CDK5RAP2: variants seen among roughly 807,000 people sequenced by gnomAD.
The protein encoded by CDK5RAP2 is CDK5 regulatory subunit-associated protein 2.
Under a neutral mutation model 232.9 loss-of-function variants are expected in CDK5RAP2, and 147 were observed. The ratio of observed to expected loss-of-function variants is 0.63; its 90% CI spans 0.55 to 0.72. The LOEUF is 0.72. CDK5RAP2 is among the 30% of genes least tolerant of loss of function. CDK5RAP2 has a pLI of 0.00. For synonymous variants in CDK5RAP2, 833 were observed against 833.7 expected, an observed-to-expected ratio of 1.00 and a Z score of 0.01; for missense variants, 2,195 against 2,231.5, an observed-to-expected ratio of 0.98 and a Z score of 0.33.
In CDK5RAP2 at chr9:120,530,047, C is replaced by T. The variant is rs758934301; in HGVS notation, c.756G>A (p.Glu252=). 1.9e-6 allele frequency: 3 copies of T among 1,613,628 alleles called. No homozygotes were observed. The highest frequency in any genetic ancestry group is 2.5e-6 in the Non-Finnish European group (3 of 1,179,534). The part of the protein sequence containing the change: ...EEKSQMACPD[E]NVSSGELRGL... ...CTCGGAGCTCTCCAGATGACACATT[C>T]TCATCAGGACATGCCATCTGAGATT... Residue 252 remains glutamate (E), a synonymous_variant, in exon 8 of 38, where the codon GAG becomes GAA. Transcript: ENST00000349780.
At chr9:120,423,114 T>G (rs1335145893) in intron 25 of CDK5RAP2, among the ~76,000 whole-genome samples, 1 of 152,228 alleles carries the variant, frequency 6.6e-6, no homozygotes, top group East Asian at 1.9e-4. Context: ...GTTACTGGAT[T>G]TCTTTCCATT....
intron 15 of CDK5RAP2, among the ~76,000 whole-genome samples, chr9:120,473,043 G>C (rs768091567): frequency 3.3e-5 from 5 of 152,222 alleles, no homozygotes; most frequent in Non-Finnish European, 7.3e-5. Context: ...ATCAGAACCA[G>C]TTAAATCCAG....
At position 120,409,242 on chromosome 9, in the gene CDK5RAP2, C is replaced by G; in HGVS notation, c.4489G>C (p.Glu1497Gln). The change falls in exon 30 of 38, where the codon GAG (glutamate) becomes CAG (glutamine). Residue 1497 changes from glutamate (E) to glutamine (Q), a missense_variant. Physicochemically the swap from Glu to Gln is conservative, Grantham distance 29 (BLOSUM62 2). Transcript: ENST00000349780. ...TTTTCTTCCTTCACGCTGGCATACT[C>G]CCGCTGAAGGTGCTCCAGGCTCACG... ...KTVSLEHLQREYASVKEENER... is the reference protein window; with the variant it reads ...KTVSLEHLQRQYASVKEENER... 1 of 1,614,100 alleles carries G rather than the reference C, an allele frequency of 6.2e-7. No homozygotes were observed. The highest frequency in any genetic ancestry group is 8.5e-7 in the Non-Finnish European group (1 of 1,179,994).
At chr9:120,440,745 G>A (rs562287031) in intron 23 of CDK5RAP2, among the ~76,000 whole-genome samples, 10 of 152,166 alleles carry the variant, frequency 6.6e-5, no homozygotes, top group Non-Finnish European at 1.0e-4. Flanking sequence ...CATTCTCGGC[G>A]TCTAGTACAG....
rs371525387 is a variant in CDK5RAP2, at chr9:120,443,778, A to T, written c.3026-36T>A. ...TCACAAAGAGAAAGAAAAATAAATA[A>T]AACCGTAAGACCTGAAACTTAGCCA... On this transcript the variant is annotated intron_variant, in intron 22 of 37. Transcript: ENST00000349780. 2.5e-5 allele frequency: 41 copies of T among 1,612,916 alleles called. No individual in the cohort carries two copies. The African/African-American group carries it at 4.1e-4, about 16-fold the overall frequency.
At position 120,497,453 on chromosome 9, in the gene CDK5RAP2, AAG is replaced by A. The variant is rs1415041771; in HGVS notation, c.1312-5978_1312-5977del. On this transcript the variant is annotated intron_variant, in intron 12 of 37. Coordinates refer to ENST00000349780, the MANE Select transcript of CDK5RAP2 (RefSeq NM_018249.6). ...AAAAAAAAAAAAAAAAAAAAAAAAA[AAG>A]AATCATCAATGGATGCTAGAATTCT... is the stretch of plus-strand genomic sequence containing the variant. Among the ~76,000 whole-genome samples, 39 of 130,898 alleles carry A rather than the reference AAG, an allele frequency of 3.0e-4. 1 individual carries two copies. The highest frequency in any genetic ancestry group is 5.1e-4 in the African/African-American group (20 of 39,002). 85.9% of individuals were successfully genotyped at this position (130,898 alleles called of 152,430 possible).
At chr9:120,569,066 G>C (rs995508840) in intron 2 of CDK5RAP2, among the ~76,000 whole-genome samples, 1 of 152,170 alleles carries the variant, frequency 6.6e-6, no homozygotes, top group Admixed American at 6.5e-5. Flanking sequence ...GCATGCTGAG[G>C]AAACAATGGT....
chr9:120,517,326 T>G (rs2040382369), intron 12 of CDK5RAP2, among the ~76,000 whole-genome samples: 1 of 152,184 alleles, frequency 6.6e-6, no homozygotes, highest in African/African-American at 2.4e-5. Context: ...ACACTGGGAT[T>G]TCACCTTCCG....
intron 5 of CDK5RAP2, among the ~76,000 whole-genome samples, chr9:120,540,832 C>A (rs1473224850): frequency 1.3e-5 from 2 of 152,272 alleles, no homozygotes; most frequent in Non-Finnish European, 2.9e-5. Flanking sequence ...CCCTTGGCCT[C>A]TGAGGCCCAC....
chr9:120,408,401 GGA>G lies in CDK5RAP2; in HGVS notation c.4670_4671del (p.Leu1557ProfsTer8), dbSNP rs1554730137. 3.1e-6 allele frequency: 5 copies of G among 1,614,128 alleles called. No homozygotes were observed. Among genetic ancestry groups the G allele is most frequent in the Non-Finnish European group, 2.5e-6 (3 of 1,180,020 alleles). ...TTCTCATACGCCTTCAGCTCCACTC[GGA>G]GAGACTGCAATAGCTTGTCATTCTG... ...LSQNDKLLQS[L>X]RVELKAYEKL... On this transcript the variant is annotated frameshift_variant, in exon 31 of 38. Transcript: ENST00000349780. LOFTEE classifies it high-confidence loss of function.
intron 12 of CDK5RAP2, among the ~76,000 whole-genome samples, chr9:120,515,180 T>TA (rs554004260): frequency 1.4e-4 from 21 of 150,554 alleles, no homozygotes; most frequent in Non-Finnish European, 1.5e-4. Flanking sequence ...TGTTTTAAAC[T>TA]AAAAAAAAAG....
At chr9:120,452,332 T>G (rs761090474) in intron 21 of CDK5RAP2, among the ~76,000 whole-genome samples, 65 of 152,036 alleles carry the variant, frequency 4.3e-4, no homozygotes, top group Non-Finnish European at 1.0e-4. Flanking sequence ...GTGCATAATT[T>G]AAAACAATCA....
At chr9:120,533,930 C>A (rs997511663) in intron 7 of CDK5RAP2, among the ~76,000 whole-genome samples, 1 of 151,850 alleles carries the variant, frequency 6.6e-6, no homozygotes, top group Non-Finnish European at 1.5e-5. Flanking sequence ...CTAGCCTGTT[C>A]TCCTCCATTC....
At chr9:120,411,150 T>C (rs2033821110) in intron 29 of CDK5RAP2, among the ~76,000 whole-genome samples, 1 of 152,244 alleles carries the variant, frequency 6.6e-6, no homozygotes, top group Admixed American at 6.5e-5. Context: ...AACAGCCCTA[T>C]GAGATATTCC....
At chr9:120,534,081 G>C (rs554371829) in intron 7 of CDK5RAP2, among the ~76,000 whole-genome samples, 1 of 152,222 alleles carries the variant, frequency 6.6e-6, no homozygotes, top group South Asian at 2.1e-4. Context: ...ATTTAAATCT[G>C]ATCTTGTCAT....
rs557840551 is a variant in CDK5RAP2, at chr9:120,557,592, C to T, written c.196-6690G>A. Among the ~76,000 whole-genome samples, 35 of 151,956 alleles carry T rather than the reference C, an allele frequency of 2.3e-4. 1 individual carries two copies. In the South Asian group the frequency reaches 6.9e-3, roughly 30 times the overall value. ...ACAACATGGCGAAACCACTTCTCTA[C>T]AAAAAATTTTTTAAAAATTAGCTGG... is the stretch of plus-strand genomic sequence containing the variant. On this transcript the variant is annotated intron_variant, in intron 3 of 37. Coordinates refer to ENST00000349780, the MANE Select transcript of CDK5RAP2 (RefSeq NM_018249.6).
At chr9:120,525,307 C>A (rs115018908) in intron 10 of CDK5RAP2, among the ~76,000 whole-genome samples, 12 of 152,292 alleles carry the variant, frequency 7.9e-5, no homozygotes, top group Admixed American at 6.5e-4. Context: ...AGGATACCAC[C>A]GCTCACCCAG....
chr9:120,443,487 C>T, intron 23 of CDK5RAP2, 133 bp downstream of exon 23: 1 of 1,067,662 alleles, frequency 9.4e-7, no homozygotes, highest in East Asian at 2.4e-5. Context: ...CTCAGCTTCC[C>T]ATGTGTTAGA....
At chr9:120,575,091 G>A (rs2042985417) in intron 1 of CDK5RAP2, among the ~76,000 whole-genome samples, 2 of 151,994 alleles carry the variant, frequency 1.3e-5, no homozygotes, top group African/African-American at 4.8e-5. Flanking sequence ...TCACTCTATC[G>A]CCCAGGCTGG....
Sources: allele counts gnomAD v4.1 joint callset (sites outside exome capture counted in the v4.1 genomes callset), GRCh38; gene constraint gnomAD v4.1.1; transcripts MANE v1.5; gene names NCBI Gene and HGNC (gene_info 2026-07-23, HGNC 2026-07-21).